AGMO: variants seen among roughly 807,000 people sequenced by gnomAD.
AGMO encodes glyceryl-ether monooxygenase.
AGMO carries 75 observed loss-of-function variants against 60.2 expected under a neutral mutation model. The ratio of observed to expected loss-of-function variants is 1.25; its 90% confidence interval spans 1.03 to 1.51. The LOEUF (loss-of-function observed/expected upper bound fraction) is 1.51, where lower values mean the gene tolerates loss of function less well. Ranked by LOEUF, AGMO falls within the 40% of genes most tolerant of loss-of-function variation. The pLI, the probability that AGMO is intolerant of heterozygous loss-of-function variation, is 0.00. For synonymous variants in AGMO, 261 were observed against 177.1 expected (o/e 1.47, Z -3.76); for missense variants, 763 against 525.5 (o/e 1.45, Z -4.42).
At chr7:15,467,332 G>A (rs1782321775) in intron 3 of AGMO, among the ~76,000 whole-genome samples, 1 of 152,124 alleles carries the variant, frequency 6.6e-6, no homozygotes, top group African/African-American at 2.4e-5. Context: ...TAGTGTTGGA[G>A]GCAAATTTAG....
At chr7:15,338,760 C>T (rs569895258) in intron 12 of AGMO, among the ~76,000 whole-genome samples, 1 of 152,272 alleles carries the variant, frequency 6.6e-6, no homozygotes, top group East Asian at 1.9e-4. Flanking sequence ...TAACTACTGG[C>T]CACTTTTCTT....
intron 8 of AGMO, among the ~76,000 whole-genome samples, chr7:15,389,708 T>C (rs1249332349): frequency 6.6e-6 from 1 of 152,102 alleles, no homozygotes; most frequent in Non-Finnish European, 1.5e-5. Flanking sequence ...AGCTAACAAG[T>C]TTTCAAACTT....
the AGMO span, among the ~76,000 whole-genome samples, chr7:15,166,869 T>A: frequency 6.6e-6 from 1 of 152,148 alleles, no homozygotes; most frequent in African/African-American, 2.4e-5. Flanking sequence ...TAGAGAAGTC[T>A]TTGGATGGAG....
At chr7:15,198,740 C>T (rs962850917), downstream of AGMO, among the ~76,000 whole-genome samples, 1 of 151,952 alleles carries the variant, frequency 6.6e-6, no homozygotes. Flanking sequence ...TTGGCTGAGT[C>T]AGTTCTTGGG....
chr7:15,233,589 G>A (rs534767228), intron 12 of AGMO, among the ~76,000 whole-genome samples: 15 of 151,978 alleles, frequency 9.9e-5, no homozygotes, highest in Admixed American at 2.0e-4. Context: ...GAAAAGTTTC[G>A]GAAATAGTGG....
At chr7:15,144,969 A>G in the AGMO span, among the ~76,000 whole-genome samples, 10 of 152,102 alleles carry the variant, frequency 6.6e-5, no homozygotes, top group South Asian at 2.1e-4. Context: ...AGCTGGGACT[A>G]CAGGCGCCCG....
intron 12 of AGMO, among the ~76,000 whole-genome samples, chr7:15,224,424 T>C (rs1782016342): frequency 6.6e-6 from 1 of 151,894 alleles, no homozygotes; most frequent in Non-Finnish European, 1.5e-5. Context: ...CCACCCCTTT[T>C]TGTCTCTCTG....
At chr7:15,493,290 T>C (rs1401021265) in intron 3 of AGMO, among the ~76,000 whole-genome samples, 2 of 149,614 alleles carry the variant, frequency 1.3e-5, no homozygotes, top group African/African-American at 4.9e-5. Flanking sequence ...TCTTTCTCTG[T>C]CTCTACTACC....
At chr7:15,371,908 A>C (rs1395538984) in intron 10 of AGMO, among the ~76,000 whole-genome samples, 2 of 143,664 alleles carry the variant, frequency 1.4e-5, no homozygotes, top group Non-Finnish European at 3.0e-5. Flanking sequence ...ATAGTTTAAT[A>C]TTAAATTATT....
At chr7:15,423,482 A>G (rs1204627644) in intron 4 of AGMO, among the ~76,000 whole-genome samples, 2 of 104,312 alleles carry the variant, frequency 1.9e-5, no homozygotes. Context: ...ACCATTGTAT[A>G]CATCCTATAT....
At chr7:15,383,162 G>A (rs1783763987) in intron 10 of AGMO, among the ~76,000 whole-genome samples, 1 of 151,840 alleles carries the variant, frequency 6.6e-6, no homozygotes, top group Admixed American at 6.6e-5. Context: ...CTCAATTTGG[G>A]TATTTTCACT....
At chr7:15,326,226 A>G (rs1443450780) in intron 12 of AGMO, among the ~76,000 whole-genome samples, 3 of 152,208 alleles carry the variant, frequency 2.0e-5, no homozygotes, top group South Asian at 2.1e-4. Flanking sequence ...TTTTACCACT[A>G]GATGGAGCCC....
At chr7:15,150,776 G>C in the AGMO span, among the ~76,000 whole-genome samples, 1 of 152,030 alleles carries the variant, frequency 6.6e-6, no homozygotes, top group Non-Finnish European at 1.5e-5. Context: ...TTCTTTTTGT[G>C]TCTCTGCCAG....
At chr7:15,369,408 A>T (rs551972293) in intron 10 of AGMO, among the ~76,000 whole-genome samples, 1 of 152,136 alleles carries the variant, frequency 6.6e-6, no homozygotes, top group Admixed American at 6.6e-5. Context: ...ATTAATCCCT[A>T]GTGTTCTCTC....
At chr7:15,462,868 A>G (rs1373627386) in intron 3 of AGMO, among the ~76,000 whole-genome samples, 2 of 152,172 alleles carry the variant, frequency 1.3e-5, no homozygotes, top group Non-Finnish European at 2.9e-5. Flanking sequence ...CTGCCCTAAA[A>G]GTATCTTCTA....
intron 12 of AGMO, among the ~76,000 whole-genome samples, chr7:15,358,823 G>A (rs1261624540): frequency 6.6e-6 from 1 of 152,104 alleles, no homozygotes; most frequent in Non-Finnish European, 1.5e-5. Flanking sequence ...TCTTAATTTT[G>A]CTTGCTTTGC....
the AGMO span, among the ~76,000 whole-genome samples, chr7:15,140,371 T>C: frequency 6.6e-6 from 1 of 152,138 alleles, no homozygotes; most frequent in Non-Finnish European, 1.5e-5. Flanking sequence ...ATATTTATTT[T>C]TTCTTCTCTG....
intron 12 of AGMO, among the ~76,000 whole-genome samples, chr7:15,292,777 G>A (rs1160117434): frequency 2.4e-5 from 2 of 82,194 alleles, no homozygotes; most frequent in Non-Finnish European, 2.1e-5. Flanking sequence ...TTTTTTTTGA[G>A]ACATAGTCTC....
Position 15,325,148 on chromosome 7 carries a change from C to G in AGMO, c.1263+40366G>C, listed in dbSNP as rs934685750. On this transcript the variant is annotated intron_variant, in intron 12 of 12. Transcript: ENST00000342526. ...TTTATTATACCTGATTTTAATTTCA[C>G]GTTTTGAGAAATATATACTGGATAG... 2.0e-5 allele frequency among the ~76,000 whole-genome samples: 3 copies of G among 151,928 alleles called. No individual in the cohort carries two copies. In the East Asian group the frequency reaches 5.8e-4, roughly 29 times the overall value.
Sources: gnomAD v4.1 joint callset for allele counts (sites outside exome capture counted in the v4.1 genomes callset) on GRCh38, gnomAD v4.1.1 for gene constraint, MANE v1.5 for transcripts, NCBI Gene and HGNC (gene_info 2026-07-23, HGNC 2026-07-21) for gene names.